The following KIRREL3 variants were observed in gnomAD, a reference collection of about 807,000 sequenced individuals.
KIRREL3 encodes the protein kirre like nephrin family adhesion molecule 3.
In KIRREL3, 36 loss-of-function variants were observed where a neutral mutation model predicts 89.7. The ratio of observed to expected loss-of-function variants is 0.40; its 90% CI spans 0.31 to 0.53. The LOEUF (loss-of-function observed/expected upper bound fraction) is 0.53, where lower values mean the gene tolerates loss of function less well. KIRREL3 is among the 20% of genes least tolerant of loss of function. KIRREL3 has a pLI of 0.49. For missense variants in KIRREL3, 864 were observed against 1,056.6 expected (o/e 0.82, Z 2.53); for synonymous variants, 445 against 441.4 (o/e 1.01, Z -0.10).
At chr11:126,482,794 C>A (rs946391963) in intron 4 of KIRREL3, among the ~76,000 whole-genome samples, 4 of 152,190 alleles carry the variant, frequency 2.6e-5, no homozygotes, top group Admixed American at 2.0e-4. Flanking sequence ...CCCTCTGGGC[C>A]CCCCCACATT....
chr11:126,691,909 T>C (rs554559034), intron 1 of KIRREL3, among the ~76,000 whole-genome samples: 1 of 152,298 alleles, frequency 6.6e-6, no homozygotes, highest in East Asian at 1.9e-4. Context: ...AAGAAGCATA[T>C]GGAAAGATGT....
At chr11:126,895,226 G>C (rs527934595) in intron 1 of KIRREL3, among the ~76,000 whole-genome samples, 3 of 152,116 alleles carry the variant, frequency 2.0e-5, no homozygotes, top group Admixed American at 6.5e-5. Context: ...ACTTTGGGAG[G>C]CTGAGATGGG....
At chr11:126,790,589 T>G (rs1216756435) in intron 1 of KIRREL3, among the ~76,000 whole-genome samples, 1 of 152,322 alleles carries the variant, frequency 6.6e-6, no homozygotes, top group East Asian at 1.9e-4. Context: ...AACCATGTGA[T>G]CCATTATTTT....
chr11:126,458,723 T>C (rs1371739560), intron 6 of KIRREL3, among the ~76,000 whole-genome samples: 2 of 152,194 alleles, frequency 1.3e-5, no homozygotes, highest in African/African-American at 4.8e-5. Context: ...CCTGGTGCGG[T>C]CAGCCTGCCT....
chr11:126,473,367 G>A lies in KIRREL3; in HGVS notation c.533C>T (p.Ala178Val). 1 of 1,567,732 alleles carries A rather than the reference G, an allele frequency of 6.4e-7. No individual in the cohort carries two copies. The highest frequency in any genetic ancestry group is 8.6e-7 in the Non-Finnish European group (1 of 1,158,496). The change falls in exon 5 of 17, where the codon GCA becomes GTA. Residue 178 changes from alanine to valine, a missense_variant. Coordinates refer to ENST00000525144, the MANE Select transcript of KIRREL3 (RefSeq NM_032531.4). ...LTCHADNAKP[A>V]ASIIWLRKGE... is the part of the protein sequence containing the mutation. ...CTTTCGCAACCAGATGATGGAGGCT[G>A]CAGGCTTGGCATTGTCTGCGTGGCA...
At chr11:126,720,773 C>T (rs1592017503) in intron 1 of KIRREL3, among the ~76,000 whole-genome samples, 1 of 152,054 alleles carries the variant, frequency 6.6e-6, no homozygotes, top group Admixed American at 6.6e-5. Flanking sequence ...TGTGGCTGGG[C>T]CAGGGCACAT....
In KIRREL3 at chr11:126,685,618, A is replaced by T. The variant is rs895889437; in HGVS notation, c.56-122706T>A. On this transcript the variant is annotated intron_variant, in intron 1 of 16. Transcript: ENST00000525144. The surrounding 1 kb of genome is among the most constrained non-coding windows in gnomAD (Gnocchi z 5.5). ...CAGGGCAGGCTTGGCACTTCCCAGG[A>T]TTACAGTCATAATGGTAACAGATAA... 1.3e-5 allele frequency among the ~76,000 whole-genome samples: 2 copies of T among 152,212 alleles called. No homozygotes were observed. The highest frequency in any genetic ancestry group is 2.9e-5 in the Non-Finnish European group (2 of 68,032).
At position 126,601,726 on chromosome 11, in the gene KIRREL3, C is replaced by T. The variant is rs1229777884; in HGVS notation, c.56-38814G>A. On this transcript the variant is annotated intron_variant, in intron 1 of 16. Transcript: ENST00000525144. The surrounding 1 kb of genome is among the most constrained non-coding windows in gnomAD (Gnocchi z 5.8). ...TCATGCATCCTGCGGTGCCATTCGC[C>T]CACCCCGCCTACATTCCTGGACGCC... 1.3e-5 allele frequency among the ~76,000 whole-genome samples: 2 copies of T among 152,156 alleles called. No individual in the cohort carries two copies. The highest frequency in any genetic ancestry group is 2.4e-5 in the African/African-American group (1 of 41,426).
intron 10 of KIRREL3, among the ~76,000 whole-genome samples, chr11:126,442,283 A>AAC (rs1565454156): frequency 1.1e-4 from 12 of 111,140 alleles, no homozygotes; most frequent in Non-Finnish European, 1.6e-4. Context: ...CAAAAAAAAA[A>AAC]CAAAAAACCC....
At chr11:126,450,119 A>G (rs1456521759) in intron 7 of KIRREL3, among the ~76,000 whole-genome samples, 2 of 152,242 alleles carry the variant, frequency 1.3e-5, no homozygotes, top group African/African-American at 4.8e-5. Flanking sequence ...GCAGAAAGCA[A>G]CGGAGCCTCA....
chr11:126,840,305 C>T (rs996412841), intron 1 of KIRREL3, among the ~76,000 whole-genome samples: 1 of 152,170 alleles, frequency 6.6e-6, no homozygotes, highest in Non-Finnish European at 1.5e-5. Context: ...AGGATTGGCT[C>T]ATTGAAAATC....
chr11:126,980,702 G>A (rs1409336083), intron 1 of KIRREL3, among the ~76,000 whole-genome samples: 2 of 151,754 alleles, frequency 1.3e-5, no homozygotes, highest in Non-Finnish European at 2.9e-5. Flanking sequence ...GAAAGAGGCT[G>A]GTGACTTGGC....
At position 126,624,984 on chromosome 11, in the gene KIRREL3, G is replaced by A. The variant is rs761337098; in HGVS notation, c.56-62072C>T. On this transcript the variant is annotated intron_variant, in intron 1 of 16. Coordinates refer to ENST00000525144, the MANE Select transcript of KIRREL3 (RefSeq NM_032531.4). The surrounding 1 kb of genome is among the most constrained non-coding windows in gnomAD (Gnocchi z 6.0). The stretch of plus-strand genomic sequence containing the variant: ...ACTGATTGTTGGATGGCATGGGCAC[G>A]CTTCCCATTATGGAAGCTTGCTGGG... Among the ~76,000 whole-genome samples the A allele has an allele frequency of 1.1e-4, 17 of 152,128 alleles. No homozygotes were observed. Among genetic ancestry groups the A allele is most frequent in the Non-Finnish European group, 2.4e-4 (16 of 68,038 alleles).
At chr11:126,446,594 T>TG (rs1349947760) in intron 9 of KIRREL3, among the ~76,000 whole-genome samples, 165 bp downstream of exon 9, 1 of 151,790 alleles carries the variant, frequency 6.6e-6, no homozygotes, top group East Asian at 1.9e-4. Context: ...CACATGGGGG[T>TG]GCCTGGGTTC....
rs562047165 is a variant in KIRREL3, at chr11:126,578,698, A to C, written c.56-15786T>G. Among the ~76,000 whole-genome samples the C allele has an allele frequency of 2.6e-4, 39 of 152,268 alleles. No homozygotes were observed. The highest frequency in any genetic ancestry group is 5.6e-4 in the Non-Finnish European group (38 of 68,008). ...GGAGAGTTCTCGCAATGGGTATGGC[A>C]AACTTCCTGACCAACAGGCTTCTGG... On this transcript the variant is annotated intron_variant, in intron 1 of 16. Transcript: ENST00000525144. The surrounding 1 kb of genome is among the most constrained non-coding windows in gnomAD (Gnocchi z 4.9).
rs1317629009 is a variant in KIRREL3, at chr11:126,574,283, C to T, written c.56-11371G>A. ...GCAGGGCTAGGATTTGACCACAACG[C>T]TTGGGGTAAAACCAAACTCCCCCAC... On this transcript the variant is annotated intron_variant, in intron 1 of 16. Coordinates refer to ENST00000525144, the MANE Select transcript of KIRREL3 (RefSeq NM_032531.4). This position sits in a 1 kb window ranked among gnomAD's most constrained non-coding sequence, Gnocchi z 5.3. Among the ~76,000 whole-genome samples the T allele has an allele frequency of 6.6e-6, 1 of 152,216 alleles. No individual in the cohort carries two copies. Among genetic ancestry groups the T allele is most frequent in the African/African-American group, 2.4e-5 (1 of 41,454 alleles).
At chr11:126,711,807 C>A (rs1393676122) in intron 1 of KIRREL3, among the ~76,000 whole-genome samples, 3 of 152,192 alleles carry the variant, frequency 2.0e-5, no homozygotes, top group African/African-American at 7.2e-5. Flanking sequence ...CAAAGGGCTT[C>A]TTCAAGCCAC....
intron 1 of KIRREL3, among the ~76,000 whole-genome samples, chr11:126,784,591 T>C (rs1219217938): frequency 6.6e-6 from 1 of 151,370 alleles, no homozygotes; most frequent in Non-Finnish European, 1.5e-5. Flanking sequence ...TATCACCATT[T>C]TACTTAGCGC....
At chr11:126,933,087 G>A (rs1027008626) in intron 1 of KIRREL3, among the ~76,000 whole-genome samples, 5 of 152,130 alleles carry the variant, frequency 3.3e-5, no homozygotes, top group African/African-American at 4.8e-5. Flanking sequence ...GGAAGGGGTG[G>A]GGTATCAGCC....
Sources: gnomAD v4.1 joint callset for allele counts (sites outside exome capture counted in the v4.1 genomes callset) on GRCh38, gnomAD v4.1.1 for gene constraint, Gnocchi (gnomAD v3.1) non-coding constraint, MANE v1.5 for transcripts, NCBI Gene and HGNC (gene_info 2026-07-23, HGNC 2026-07-21) for gene names.